The following GPSM1 variants were observed in gnomAD, a reference collection of about 807,000 sequenced individuals.
GPSM1 encodes G protein-signaling modulator 1.
In GPSM1, 48 loss-of-function variants were observed where a neutral mutation model predicts 70.5. That is an observed-to-expected ratio of 0.68 (90% CI 0.54 to 0.87). The LOEUF (loss-of-function observed/expected upper bound fraction) is 0.87, where lower values mean the gene tolerates loss of function less well. Among genes scored for constraint, GPSM1 ranks in the 40% least tolerant of loss-of-function variants. The pLI, the probability that GPSM1 is intolerant of heterozygous loss-of-function variation, is 0.00. For synonymous variants in GPSM1, 416 were observed against 430.1 expected (o/e 0.97, Z 0.41); for missense variants, 981 against 972.6 (o/e 1.01, Z -0.11).
intron 7 of GPSM1, among the ~76,000 whole-genome samples, 180 bp from the exon 8 acceptor site, chr9:136,339,527 T>G (rs1832334101): frequency 6.6e-6 from 1 of 152,208 alleles, no homozygotes; most frequent in African/African-American, 2.4e-5. Flanking sequence ...GGTGGCAGAA[T>G]TTGTGGGAGG....
rs1385654522 is a variant in GPSM1, at chr9:136,352,147, G to A, written c.1455+2384G>A. On this transcript the variant is annotated intron_variant, in intron 11 of 13. Coordinates refer to ENST00000440944, the MANE Select transcript of GPSM1 (RefSeq NM_001145638.3). ...TTGCTGTTGGTGACACCAATGCTGC[G>A]CCGTTGCTGTTGGTGACACCAATGC... 5.6e-5 allele frequency among the ~76,000 whole-genome samples: 8 copies of A among 142,508 alleles called. 1 individual carries two copies. Among genetic ancestry groups the A allele is most frequent in the African/African-American group, 1.8e-4 (7 of 38,010 alleles). 93.5% of individuals were successfully genotyped at this position (142,508 alleles called of 152,430 possible). A position where few individuals can be genotyped will look rare whatever the true frequency, so the allele number is the denominator to read the frequency against.
chr9:136,351,021 G>A (rs906201478), intron 11 of GPSM1, among the ~76,000 whole-genome samples: 1 of 152,310 alleles, frequency 6.6e-6, no homozygotes, highest in South Asian at 2.1e-4. Flanking sequence ...GTCCGGGTTC[G>A]GAGGTCAGCC....
chr9:136,349,261 G>T (rs1362033012), intron 10 of GPSM1, among the ~76,000 whole-genome samples: 1 of 152,258 alleles, frequency 6.6e-6, no homozygotes, highest in African/African-American at 2.4e-5. Context: ...TGAGCCTCTG[G>T]TTCCTCTGGT....
At chr9:136,330,322 C>T (rs1380643704) in intron 1 of GPSM1, among the ~76,000 whole-genome samples, 2 of 152,200 alleles carry the variant, frequency 1.3e-5, no homozygotes, top group East Asian at 1.9e-4. Flanking sequence ...TGGACTGGGC[C>T]CCCCGCAACC....
intron 11 of GPSM1, among the ~76,000 whole-genome samples, chr9:136,351,813 GGC>G (rs1554772131): frequency 6.6e-6 from 1 of 152,244 alleles, no homozygotes; most frequent in African/African-American, 2.4e-5. Flanking sequence ...AGGGCCTCTT[GGC>G]TTTCTGCTGA....
intron 9 of GPSM1, among the ~76,000 whole-genome samples, chr9:136,348,230 G>GCC (rs1832570097): frequency 6.6e-6 from 1 of 152,316 alleles, no homozygotes; most frequent in African/African-American, 2.4e-5. Context: ...GGCCTGGGCT[G>GCC]CCCGCAGTGA....
Position 136,358,678 on chromosome 9 carries a change from TG to T in GPSM1, c.*459del. On this transcript the variant is annotated 3_prime_UTR_variant, in exon 14 of 14. Transcript: ENST00000440944. Reference sequence around the variant, plus strand: ...TCTTGGGATGGCCGTGTGACAGGCATGCTCCACCCCTCCAGCTTCGTCCTGG... The same window carrying T: ...TCTTGGGATGGCCGTGTGACAGGCATCTCCACCCCTCCAGCTTCGTCCTGG... 3.6e-5 allele frequency: 8 copies of T among 220,702 alleles called. No homozygotes were observed. The highest frequency in any genetic ancestry group is 1.7e-4 in the East Asian group (1 of 5,984). 13.7% of individuals were successfully genotyped at this position (220,702 alleles called of 1,614,324 possible). A position where few individuals can be genotyped will look rare whatever the true frequency, so the allele number is the denominator to read the frequency against.
chr9:136,353,328 G>A (rs1554772450), intron 11 of GPSM1, among the ~76,000 whole-genome samples: 2 of 152,186 alleles, frequency 1.3e-5, no homozygotes, highest in Non-Finnish European at 2.9e-5. Flanking sequence ...GGACTCTGAG[G>A]CCTCCGGGAA....
At chr9:136,334,414 G>A in intron 1 of GPSM1, 33 bp from the exon 2 acceptor site, 1 of 1,569,990 alleles carries the variant, frequency 6.4e-7, no homozygotes, top group South Asian at 1.1e-5. Context: ...ACTTTGCCAG[G>A]GCTGGGCCAT....
At chr9:136,335,162 A>G (rs1476285429) in intron 2 of GPSM1, among the ~76,000 whole-genome samples, 1 of 151,674 alleles carries the variant, frequency 6.6e-6, no homozygotes. Context: ...TCAGAGCCCC[A>G]CCCTTTCCCT....
chr9:136,353,634 C>T (rs1264798739), intron 11 of GPSM1, among the ~76,000 whole-genome samples: 2 of 152,206 alleles, frequency 1.3e-5, no homozygotes, highest in African/African-American at 4.8e-5. Flanking sequence ...CGACATAGGA[C>T]CCTGAGAGGG....
At position 136,336,880 on chromosome 9, in the gene GPSM1, G is replaced by T. The variant is rs1554769304; in HGVS notation, c.427-41G>T. The T allele has an allele frequency of 5.9e-6, 9 of 1,528,738 alleles. No individual in the cohort carries two copies. The South Asian group carries it at 1.1e-4, about 19-fold the overall frequency. The allele number at this position is 1,528,738 out of a possible 1,614,324, so 94.7% of individuals were successfully genotyped here. A position where few individuals can be genotyped will look rare whatever the true frequency, so the allele number is the denominator to read the frequency against. ...TGCCGGCTCTGCACATCGTGTGGGG[G>T]GCCGTGGAGGCATGCCCCCAACCCT... is the stretch of plus-strand genomic sequence containing the variant. On this transcript the variant is annotated intron_variant, in intron 3 of 13. Transcript: ENST00000440944.
rs113836883 is a variant in GPSM1, at chr9:136,348,388, G to C, written c.1208-309G>C. Among the ~76,000 whole-genome samples, 718 of 152,348 alleles carry C rather than the reference G, an allele frequency of 4.7e-3. 3 individuals are homozygous for C. The highest frequency in any genetic ancestry group is 0.015 in the African/African-American group (636 of 41,580). On this transcript the variant is annotated intron_variant, in intron 9 of 13. Transcript: ENST00000440944. ...CAGAGGGAACAGCAGGACTGACGGG[G>C]GAGGCCCTGTGTGCGGCAGGGGAGA...
chr9:136,358,083 G>A lies in GPSM1; in HGVS notation c.1891G>A (p.Glu631Lys), dbSNP rs782449619. The change falls in exon 14 of 14, where the codon GAG (glutamate) becomes AAG (lysine). Residue 631 changes from glutamate (E) to lysine (K), a missense_variant. Transcript: ENST00000440944. ...GCCCCGGGGCCCTACCATGCCGGAC[G>A]AGGACTTCTTCAGCCTCATTCAGAG... ...VLPRGPTMPD[E>K]DFFSLIQRVQ... is the part of the protein sequence containing the mutation. 6.2e-7 allele frequency: 1 copy of A among 1,612,736 alleles called. No homozygotes were observed. Among genetic ancestry groups the A allele is most frequent in the Non-Finnish European group, 8.5e-7 (1 of 1,179,820 alleles).
At position 136,334,486 on chromosome 9, in the gene GPSM1, G is replaced by A. The variant is rs782427852; in HGVS notation, c.108G>A (p.Glu36=). The part of the protein sequence containing the change: ...ASCLELALEG[E]RLCKAGDFKT... ...GCCTAGAGCTGGCGCTGGAGGGCGA[G>A]CGTCTGTGCAAGGCGGGCGACTTCA... Residue 36 remains glutamate, a synonymous_variant, in exon 2 of 14, where the codon GAG becomes GAA. Coordinates refer to ENST00000440944, the MANE Select transcript of GPSM1 (RefSeq NM_001145638.3). 6.2e-7 allele frequency: 1 copy of A among 1,613,042 alleles called. No homozygotes were observed. Among genetic ancestry groups the A allele is most frequent in the Non-Finnish European group, 8.5e-7 (1 of 1,179,928 alleles).
intron 1 of GPSM1, among the ~76,000 whole-genome samples, chr9:136,328,765 G>A (rs1247087113): frequency 3.3e-5 from 5 of 152,152 alleles, no homozygotes; most frequent in Non-Finnish European, 5.9e-5. Flanking sequence ...TGGATGGAGC[G>A]CTGAGCCCCT....
intron 6 of GPSM1, among the ~76,000 whole-genome samples, 155 bp downstream of exon 6, chr9:136,338,116 C>T (rs909807078): frequency 1.3e-5 from 2 of 152,186 alleles, no homozygotes; most frequent in Non-Finnish European, 2.9e-5. Context: ...GAAGGGCAGA[C>T]GGACAAAGCT....
At chr9:136,352,968 C>A in intron 11 of GPSM1, 1 of 353,576 alleles carries the variant, frequency 2.8e-6, no homozygotes, top group South Asian at 1.1e-4. Flanking sequence ...TGAGCAGGGG[C>A]GGGCGCTAGG....
At chr9:136,355,515 GGGTGCCGAGGGTGGGTGAC>G in intron 11 of GPSM1, 156 bp from the exon 12 acceptor site, 2 of 498,466 alleles carry the variant, frequency 4.0e-6, no homozygotes, top group South Asian at 2.5e-5. Flanking sequence ...AGGGGTAGCC[GGGTGCCGAGGGTGGGTGAC>G]ACGTTCTGGG....
Sources: gnomAD v4.1 joint callset for allele counts (sites outside exome capture counted in the v4.1 genomes callset) on GRCh38, gnomAD v4.1.1 for gene constraint, MANE v1.5 for transcripts, NCBI Gene and HGNC (gene_info 2026-07-23, HGNC 2026-07-21) for gene names.